The following RBFOX1 variants were observed in gnomAD, a reference collection of about 807,000 sequenced individuals.
RBFOX1 encodes the protein RNA binding protein fox-1 homolog 1.
Under a neutral mutation model 57.7 loss-of-function variants are expected in RBFOX1, and 8 were observed. That is an observed-to-expected ratio of 0.14 (90% confidence interval 0.08 to 0.25). The LOEUF is 0.25. RBFOX1 is among the 10% of genes least tolerant of loss of function. RBFOX1 has a pLI of 1.00. For synonymous variants in RBFOX1, 326 were observed against 222.4 expected (o/e 1.47, Z -4.15); for missense variants, 611 against 548.5 (o/e 1.11, Z -1.14).
intron 1 of RBFOX1, among the ~76,000 whole-genome samples, chr16:5,356,483 T>C (rs1363204045): frequency 6.6e-6 from 1 of 152,172 alleles, no homozygotes; most frequent in African/African-American, 2.4e-5. Context: ...TTGAGGACCA[T>C]TGGTTGCTTG....
intron 2 of RBFOX1, among the ~76,000 whole-genome samples, chr16:6,328,017 T>A (rs777916397): frequency 6.6e-6 from 1 of 152,118 alleles, no homozygotes; most frequent in Non-Finnish European, 1.5e-5. Flanking sequence ...CAATTTGCAG[T>A]TGCAAAAATC....
intron 4 of RBFOX1, among the ~76,000 whole-genome samples, chr16:7,198,878 G>C (rs551086915): frequency 6.6e-6 from 1 of 152,322 alleles, no homozygotes; most frequent in South Asian, 2.1e-4. Flanking sequence ...GCAAAATATA[G>C]TGTTGGTTCC....
At chr16:6,793,149 T>TTTTTTTTTTTTTTTTTTTTTTG (rs2083297893) in intron 3 of RBFOX1, among the ~76,000 whole-genome samples, 1 of 152,214 alleles carries the variant, frequency 6.6e-6, no homozygotes, top group African/African-American at 2.4e-5. Flanking sequence ...TATTATTTTT[T>TTTTTTTTTTTTTTTTTTTTTTG]AAGAACCCAG....
At chr16:6,381,871 G>A (rs1311277969) in intron 2 of RBFOX1, among the ~76,000 whole-genome samples, 1 of 152,226 alleles carries the variant, frequency 6.6e-6, no homozygotes, top group South Asian at 2.1e-4. Context: ...TAGGGCACGG[G>A]TTTAATAGCT....
At chr16:5,873,164 AAACAACAAC>A (rs57510700) in intron 4 of RBFOX1, among the ~76,000 whole-genome samples, 154 of 151,634 alleles carry the variant, frequency 1.0e-3, no homozygotes, top group African/African-American at 3.4e-3. Context: ...ACAAAGAAAC[AAACAACAAC>A]AACAACAACA....
chr16:6,974,215 T>A (rs565412302), intron 3 of RBFOX1, among the ~76,000 whole-genome samples: 58 of 152,088 alleles, frequency 3.8e-4, no homozygotes, highest in Non-Finnish European at 7.4e-5. Context: ...TGTCTTTGCT[T>A]AATGGGGGAT....
At chr16:7,179,218 C>T (rs751850826) in intron 4 of RBFOX1, among the ~76,000 whole-genome samples, 5 of 136,936 alleles carry the variant, frequency 3.7e-5, no homozygotes, top group Non-Finnish European at 8.1e-5. Flanking sequence ...GATGCTTAAC[C>T]GGGATTTTTT....
chr16:6,285,209 T>C (rs1479058220), intron 1 of RBFOX1, among the ~76,000 whole-genome samples: 2 of 152,160 alleles, frequency 1.3e-5, no homozygotes, highest in East Asian at 3.9e-4. Flanking sequence ...TTTGCAAATT[T>C]GGAATTCCAG....
chr16:7,108,426 C>T (rs2064006880), intron 4 of RBFOX1, among the ~76,000 whole-genome samples: 1 of 152,130 alleles, frequency 6.6e-6, no homozygotes, highest in Non-Finnish European at 1.5e-5. Flanking sequence ...AGATATTAAA[C>T]ATTACATAGT....
chr16:6,777,069 C>T (rs1361020088), intron 3 of RBFOX1, among the ~76,000 whole-genome samples: 1 of 152,002 alleles, frequency 6.6e-6, no homozygotes, highest in Non-Finnish European at 1.5e-5. Context: ...GGCAGGGATT[C>T]TGTGTTAACC....
intron 2 of RBFOX1, among the ~76,000 whole-genome samples, chr16:5,517,936 G>GTGTGTA (rs1175876663): frequency 6.6e-6 from 1 of 150,548 alleles, no homozygotes. Context: ...GCTACTGTGT[G>GTGTGTA]TGTGTGTGTG....
intron 3 of RBFOX1, among the ~76,000 whole-genome samples, chr16:6,943,428 G>T (rs982450495): frequency 1.3e-5 from 2 of 152,182 alleles, no homozygotes; most frequent in African/African-American, 4.8e-5. Flanking sequence ...GGGCCTGTGG[G>T]CCGGGCGTGG....
intron 4 of RBFOX1, among the ~76,000 whole-genome samples, chr16:7,437,951 T>C (rs1255720919): frequency 3.3e-5 from 5 of 152,044 alleles, no homozygotes; most frequent in African/African-American, 1.2e-4. Context: ...TAAATTCTTT[T>C]AAAATGTGCT....
At chr16:7,291,678 C>A (rs1240441280) in intron 4 of RBFOX1, among the ~76,000 whole-genome samples, 1 of 151,800 alleles carries the variant, frequency 6.6e-6, no homozygotes, top group African/African-American at 2.4e-5. Context: ...AGGATGGGAC[C>A]TTGGCACTGA....
intron 13 of RBFOX1, among the ~76,000 whole-genome samples, chr16:7,670,041 C>CT (rs1568377403): frequency 6.6e-6 from 1 of 152,092 alleles, no homozygotes; most frequent in South Asian, 2.1e-4. Flanking sequence ...AGAAGAGAAA[C>CT]TTTTTTGGGA....
At chr16:7,626,228 C>T (rs752124757) in intron 10 of RBFOX1, among the ~76,000 whole-genome samples, 6 of 152,306 alleles carry the variant, frequency 3.9e-5, no homozygotes, top group East Asian at 1.9e-4. Flanking sequence ...AAACAGTTTT[C>T]GACACTTCCT....
chr16:7,121,692 G>A (rs914359154), intron 4 of RBFOX1, among the ~76,000 whole-genome samples: 13 of 151,752 alleles, frequency 8.6e-5, no homozygotes, highest in Admixed American at 6.6e-4. Flanking sequence ...AGCTATAAAC[G>A]TGAAGATTCT....
chr16:6,020,673 C>A (rs1001836781), intron 1 of RBFOX1, among the ~76,000 whole-genome samples: 2 of 151,646 alleles, frequency 1.3e-5, no homozygotes, highest in Non-Finnish European at 2.9e-5. Context: ...GGTAGCAGAT[C>A]TTAGCCCTGT....
intron 3 of RBFOX1, chr16:6,721,828 G>T (rs115966283): frequency 0.019 from 2,925 of 152,832 alleles, 150 homozygotes; most frequent in Admixed American, 0.1. Flanking sequence ...CAGGGATCAC[G>T]CTCACACGCC....
Sources: allele counts gnomAD v4.1 joint callset (sites outside exome capture counted in the v4.1 genomes callset), GRCh38; gene constraint gnomAD v4.1.1; transcripts MANE v1.5; gene names NCBI Gene and HGNC (gene_info 2026-07-23, HGNC 2026-07-21).